The following ARHGAP10 variants were observed in gnomAD, a reference collection of about 807,000 sequenced individuals.
ARHGAP10 encodes rho GTPase-activating protein 10.
A neutral mutation model predicts 108.6 loss-of-function variants in ARHGAP10; 87 were observed. That is an observed-to-expected ratio of 0.80 (90% confidence interval 0.67 to 0.96). ARHGAP10 has a LOEUF of 0.96. ARHGAP10 is among the 40% of genes least tolerant of loss of function. The pLI is 0.00. For missense variants in ARHGAP10, 939 were observed against 954.5 expected, an observed-to-expected ratio of 0.98 and a Z score of 0.21; for synonymous variants, 347 against 341.1, an observed-to-expected ratio of 1.02 and a Z score of -0.19.
Position 147,943,230 on chromosome 4 carries a change from G to A in ARHGAP10, c.1303+3331G>A, listed in dbSNP as rs78681009. On this transcript the variant is annotated intron_variant, in intron 14 of 22. Coordinates refer to ENST00000336498, the MANE Select transcript of ARHGAP10 (RefSeq NM_024605.4). Reference sequence around the variant, plus strand: ...AATGTGGTAGTAGTTTGTGTGGTCTGGTGAGCTCAGTGGTTAATTCTAAAT... The same window carrying A: ...AATGTGGTAGTAGTTTGTGTGGTCTAGTGAGCTCAGTGGTTAATTCTAAAT... 8.8e-3 allele frequency among the ~76,000 whole-genome samples: 1,338 copies of A among 152,258 alleles called. 15 individuals carry two copies. The highest frequency in any genetic ancestry group is 0.025 in the East Asian group (132 of 5,190).
chr4:147,888,248 C>T (rs1006789533), intron 10 of ARHGAP10, among the ~76,000 whole-genome samples: 11 of 152,170 alleles, frequency 7.2e-5, no homozygotes. Context: ...ATGTGCCATC[C>T]GTATGTTGAT....
chr4:148,047,048 C>G lies in ARHGAP10; in HGVS notation c.2024C>G (p.Thr675Ser). The change falls in exon 20 of 23, where the codon ACT (threonine) becomes AGT (serine). Residue 675 changes from threonine to serine, a missense_variant. Thr to Ser is a moderately conservative substitution (Grantham distance 58). Coordinates refer to ENST00000336498, the MANE Select transcript of ARHGAP10 (RefSeq NM_024605.4). ...GGGAGCTTTGGAGACTGGGCATCCACTATGTAAGTAACCGTGCTTCTGTTG... is the reference window on the plus strand; with the variant it reads ...GGGAGCTTTGGAGACTGGGCATCCAGTATGTAAGTAACCGTGCTTCTGTTG... Reference protein sequence around the residue: ...DGGSFGDWASTIPGQTRSSMV... With the variant: ...DGGSFGDWASSIPGQTRSSMV... 1.2e-6 allele frequency: 2 copies of G among 1,614,058 alleles called. No homozygotes were observed. Among genetic ancestry groups the G allele is most frequent in the Non-Finnish European group, 8.5e-7 (1 of 1,179,980 alleles).
rs571893271 is a variant in ARHGAP10, at chr4:147,868,727, A to G, written c.702+1911A>G. On this transcript the variant is annotated intron_variant, in intron 7 of 22. Coordinates refer to ENST00000336498, the MANE Select transcript of ARHGAP10 (RefSeq NM_024605.4). ...TTTCGTGATGAAACTTTTCCACCTC[A>G]GGTCATCAGGCATTAGATTCTCATA... is the stretch of plus-strand genomic sequence containing the variant. Among the ~76,000 whole-genome samples the G allele has an allele frequency of 7.2e-5, 11 of 152,282 alleles. No homozygotes were observed. In the South Asian group the frequency reaches 2.1e-3, roughly 29 times the overall value.
At chr4:148,020,773 AT>A (rs1303830086) in intron 18 of ARHGAP10, among the ~76,000 whole-genome samples, 3 of 152,156 alleles carry the variant, frequency 2.0e-5, no homozygotes, top group Non-Finnish European at 4.4e-5. Context: ...GTGTATCTTT[AT>A]AACAGAATGA....
chr4:147,873,722 A>ACACACACACACACT (rs775092505), intron 7 of ARHGAP10, among the ~76,000 whole-genome samples: 8 of 144,448 alleles, frequency 5.5e-5, no homozygotes, highest in Non-Finnish European at 1.2e-4. Flanking sequence ...ACACACACAC[A>ACACACACACACACT]CTCTTGGCCT....
intron 19 of ARHGAP10, among the ~76,000 whole-genome samples, chr4:148,031,958 G>A (rs1262418218): frequency 6.6e-6 from 1 of 152,066 alleles, no homozygotes; most frequent in African/African-American, 2.4e-5. Flanking sequence ...CAAACATCTG[G>A]TCATGGATTG....
rs34551897 is a variant in ARHGAP10 at position 148,065,979 on chromosome 4, CAA to C, written c.2272+1488_2272+1489del. Among the ~76,000 whole-genome samples the C allele has an allele frequency of 8.1e-5, 8 of 98,572 alleles. No homozygotes were observed. The East Asian group carries it at 1.5e-3, about 19-fold the overall frequency. The allele number at this position is 98,572 out of a possible 152,430, so 64.7% of individuals were successfully genotyped here. On this transcript the variant is annotated intron_variant, in intron 22 of 22. Coordinates refer to ENST00000336498, the MANE Select transcript of ARHGAP10 (RefSeq NM_024605.4). ...TGGATAACACAGTGAGACCCCATCT[CAA>C]AAAAAAAAAAAAAAAGGGTTGAGGG... is the stretch of plus-strand genomic sequence containing the variant.
At chr4:147,830,354 C>T (rs1225589622) in intron 3 of ARHGAP10, among the ~76,000 whole-genome samples, 1 of 152,136 alleles carries the variant, frequency 6.6e-6, no homozygotes, top group African/African-American at 2.4e-5. Context: ...CTGGCCTGTG[C>T]TTTACTGCAC....
chr4:147,974,950 A>G (rs994834269), intron 18 of ARHGAP10, among the ~76,000 whole-genome samples: 1 of 152,168 alleles, frequency 6.6e-6, no homozygotes, highest in South Asian at 2.1e-4. Flanking sequence ...ACCCACCCCC[A>G]TGATTCAATT....
intron 1 of ARHGAP10, among the ~76,000 whole-genome samples, chr4:147,772,388 G>C (rs1428631824): frequency 6.6e-6 from 1 of 152,208 alleles, no homozygotes; most frequent in Non-Finnish European, 1.5e-5. Flanking sequence ...CCTCTCTGCA[G>C]TTTTTTATCT....
At chr4:147,985,419 T>G (rs1740001167) in intron 18 of ARHGAP10, among the ~76,000 whole-genome samples, 1 of 152,140 alleles carries the variant, frequency 6.6e-6, no homozygotes, top group African/African-American at 2.4e-5. Context: ...CAGGGACACA[T>G]GCAAACCAGT....
intron 20 of ARHGAP10, among the ~76,000 whole-genome samples, chr4:148,054,457 G>A (rs1729277379): frequency 6.6e-6 from 1 of 152,170 alleles, no homozygotes; most frequent in Admixed American, 6.5e-5. Flanking sequence ...GCCACCTGCT[G>A]GGATTTTCCT....
intron 15 of ARHGAP10, among the ~76,000 whole-genome samples, chr4:147,952,724 A>G (rs1738651776): frequency 1.3e-5 from 2 of 152,034 alleles, no homozygotes; most frequent in African/African-American, 4.8e-5. Context: ...TGTTCTCTCA[A>G]TAGTGTCTTT....
chr4:148,019,657 G>A (rs940460917), intron 18 of ARHGAP10, among the ~76,000 whole-genome samples: 1 of 152,078 alleles, frequency 6.6e-6, no homozygotes, highest in African/African-American at 2.4e-5. Flanking sequence ...GGCTGAGGCA[G>A]GAGAATCGCT....
intron 7 of ARHGAP10, among the ~76,000 whole-genome samples, chr4:147,867,887 G>C (rs537425866): frequency 3.9e-5 from 5 of 127,014 alleles, no homozygotes; most frequent in Admixed American, 2.4e-4. Flanking sequence ...AAAAAAAAAA[G>C]TTGAGAGTGA....
chr4:147,927,480 G>A (rs940374386), intron 13 of ARHGAP10, among the ~76,000 whole-genome samples: 3 of 152,130 alleles, frequency 2.0e-5, no homozygotes, highest in African/African-American at 7.2e-5. Context: ...TTAACGTATT[G>A]CATTTTATGT....
At chr4:147,806,087 A>G (rs1479356439) in intron 1 of ARHGAP10, among the ~76,000 whole-genome samples, 1 of 152,144 alleles carries the variant, frequency 6.6e-6, no homozygotes, top group African/African-American at 2.4e-5. Context: ...TTTAACTCAC[A>G]AGAACTACCA....
At chr4:147,919,661 C>T (rs974475686) in intron 13 of ARHGAP10, among the ~76,000 whole-genome samples, 3 of 152,050 alleles carry the variant, frequency 2.0e-5, no homozygotes, top group African/African-American at 7.2e-5. Flanking sequence ...CAGCCTCCGT[C>T]TCCGCCTCCC....
intron 1 of ARHGAP10, among the ~76,000 whole-genome samples, chr4:147,733,369 C>T (rs1728300461): frequency 6.6e-6 from 1 of 152,206 alleles, no homozygotes; most frequent in African/African-American, 2.4e-5. Context: ...GGCAGCCTGA[C>T]CATCCCTTGG....
Sources: gnomAD v4.1 joint callset for allele counts (sites outside exome capture counted in the v4.1 genomes callset) on GRCh38, gnomAD v4.1.1 for gene constraint, MANE v1.5 for transcripts, NCBI Gene and HGNC (gene_info 2026-07-23, HGNC 2026-07-21) for gene names.